MAGI2: variants seen among roughly 807,000 people sequenced by gnomAD.
MAGI2 encodes membrane-associated guanylate kinase, WW and PDZ domain-containing protein 2.
In MAGI2, 35 loss-of-function variants were observed where a neutral mutation model predicts 133.3. The observed-to-expected ratio is 0.26, with a 90% CI of 0.20 to 0.35. MAGI2 has a LOEUF of 0.35. MAGI2 is among the 10% of genes least tolerant of loss of function. The pLI is 1.00. For synonymous variants in MAGI2, 729 were observed against 710.6 expected, an observed-to-expected ratio of 1.03 and a Z score of -0.41; for missense variants, 1,636 against 1,863.4, an observed-to-expected ratio of 0.88 and a Z score of 2.25.
chr7:78,747,624 T>C (rs780964911), intron 2 of MAGI2, among the ~76,000 whole-genome samples: 1 of 151,830 alleles, frequency 6.6e-6, no homozygotes, highest in Non-Finnish European at 1.5e-5. Flanking sequence ...CAAGGGAGAG[T>C]AGTCCACTCT....
At chr7:78,703,344 T>C (rs1377555199) in intron 2 of MAGI2, among the ~76,000 whole-genome samples, 1 of 152,050 alleles carries the variant, frequency 6.6e-6, no homozygotes, top group African/African-American at 2.4e-5. Flanking sequence ...TTGTATCTAG[T>C]TGTAGAAGCA....
chr7:79,409,543 T>G (rs1473726281), intron 1 of MAGI2, among the ~76,000 whole-genome samples: 4 of 152,090 alleles, frequency 2.6e-5, no homozygotes, highest in Admixed American at 1.3e-4. Context: ...TACTGAGAAC[T>G]GAACGGTTAT....
At chr7:78,463,918 A>G (rs1450783902) in intron 6 of MAGI2, among the ~76,000 whole-genome samples, 2 of 152,106 alleles carry the variant, frequency 1.3e-5, no homozygotes, top group Middle Eastern at 3.2e-3. Context: ...GAAGGTAGGT[A>G]GGAGGGCAGG....
At chr7:79,405,321 T>A (rs1845732195) in intron 1 of MAGI2, among the ~76,000 whole-genome samples, 1 of 152,150 alleles carries the variant, frequency 6.6e-6, no homozygotes, top group African/African-American at 2.4e-5. Flanking sequence ...CAAAATGTTA[T>A]CATTCATAAA....
intron 1 of MAGI2, among the ~76,000 whole-genome samples, chr7:79,063,869 A>G (rs1814033741): frequency 6.6e-6 from 1 of 152,100 alleles, no homozygotes; most frequent in South Asian, 2.1e-4. Flanking sequence ...TAAAATTCTT[A>G]TAAAGCCACA....
At position 79,012,402 on chromosome 7, in the gene MAGI2, T is replaced by C. The variant is rs1249311476; in HGVS notation, c.302-5196A>G. ...CTCTCTGCTCTGAACTTCCACATCTTGCTCATTTCTCTTTAGTACTTTGCG... is the reference window on the plus strand; with the variant it reads ...CTCTCTGCTCTGAACTTCCACATCTCGCTCATTTCTCTTTAGTACTTTGCG... On this transcript the variant is annotated intron_variant, in intron 1 of 21. Transcript: ENST00000354212. 6 of 152,270 alleles carry C rather than the reference T, an allele frequency of 3.9e-5. No homozygotes were observed. In the East Asian group the frequency reaches 1.2e-3, roughly 29 times the overall value. 9.4% of individuals were successfully genotyped at this position (152,270 alleles called of 1,614,324 possible).
rs1328785301 is a variant in MAGI2 at position 78,185,996 on chromosome 7, T to C, written c.2270-326A>G. 3.3e-5 allele frequency among the ~76,000 whole-genome samples: 5 copies of C among 152,250 alleles called. No homozygotes were observed. In the East Asian group the frequency reaches 9.7e-4, roughly 29 times the overall value. Reference sequence around the variant, plus strand: ...AATACTTATTTGAAAGTAAAGTCAATCTAGAACCTGAAAGGTATACAGAAA... The same window carrying C: ...AATACTTATTTGAAAGTAAAGTCAACCTAGAACCTGAAAGGTATACAGAAA... On this transcript the variant is annotated intron_variant, in intron 12 of 21. Coordinates refer to ENST00000354212, the MANE Select transcript of MAGI2 (RefSeq NM_012301.4).
intron 9 of MAGI2, among the ~76,000 whole-genome samples, chr7:78,304,038 ATTC>A (rs1798063306): frequency 6.6e-6 from 1 of 152,178 alleles, no homozygotes; most frequent in African/African-American, 2.4e-5. Flanking sequence ...TCTGCCTTAA[ATTC>A]TTACTTTCCT....
chr7:78,537,202 CACACAG>C (rs1467308904), intron 3 of MAGI2, among the ~76,000 whole-genome samples: 14 of 151,462 alleles, frequency 9.2e-5, no homozygotes, highest in African/African-American at 3.1e-4. Flanking sequence ...CACACACACA[CACACAG>C]ACACATTTTC....
At chr7:78,573,031 GTATGTATA>G (rs1367679609) in intron 3 of MAGI2, among the ~76,000 whole-genome samples, 1 of 26,386 alleles carries the variant, frequency 3.8e-5, no homozygotes, top group East Asian at 1.6e-3. Context: ...ATATGCATAT[GTATGTATA>G]TATATATATA....
chr7:78,783,343 G>A (rs1341771646), intron 2 of MAGI2, among the ~76,000 whole-genome samples: 1 of 152,062 alleles, frequency 6.6e-6, no homozygotes, highest in East Asian at 1.9e-4. Flanking sequence ...TGACCAGTCG[G>A]AGAAAAAGGA....
At chr7:79,320,922 A>C (rs1053220342) in intron 1 of MAGI2, among the ~76,000 whole-genome samples, 3 of 152,144 alleles carry the variant, frequency 2.0e-5, no homozygotes, top group Non-Finnish European at 4.4e-5. Context: ...CAAAGTTCTT[A>C]TAACAAAAAC....
chr7:78,740,563 G>T (rs2151251533), intron 2 of MAGI2, among the ~76,000 whole-genome samples: 1 of 152,252 alleles, frequency 6.6e-6, no homozygotes, highest in African/African-American at 2.4e-5. Context: ...TCAGATGACT[G>T]TCCAGTTTTA....
intron 4 of MAGI2, among the ~76,000 whole-genome samples, chr7:78,511,980 G>A (rs1476917449): frequency 3.3e-5 from 5 of 151,860 alleles, no homozygotes; most frequent in Admixed American, 1.3e-4. Context: ...AACATTAGCC[G>A]GGGGTGGTGG....
chr7:78,739,357 T>C (rs1822172995), intron 2 of MAGI2, among the ~76,000 whole-genome samples: 2 of 152,142 alleles, frequency 1.3e-5, no homozygotes, highest in South Asian at 4.1e-4. Context: ...GATAGAAACT[T>C]AGAAACAAAG....
chr7:78,615,364 A>G (rs1307087311), intron 3 of MAGI2: 1 of 152,220 alleles, frequency 6.6e-6, no homozygotes, highest in Non-Finnish European at 1.5e-5. Flanking sequence ...TCCCAGGTAT[A>G]ATAAAACTTG....
chr7:79,381,223 C>T (rs892916175), intron 1 of MAGI2, among the ~76,000 whole-genome samples: 11 of 151,682 alleles, frequency 7.3e-5, no homozygotes, highest in African/African-American at 2.4e-4. Flanking sequence ...TTGCTTACTG[C>T]CTGGATGTAA....
intron 2 of MAGI2, among the ~76,000 whole-genome samples, chr7:78,698,117 C>T (rs545817393): frequency 5.3e-5 from 8 of 152,218 alleles, no homozygotes; most frequent in South Asian, 2.1e-4. Context: ...AATACTAATA[C>T]GAATGCTTTC....
chr7:78,494,386 A>T (rs536893634), intron 5 of MAGI2, among the ~76,000 whole-genome samples: 1 of 152,338 alleles, frequency 6.6e-6, no homozygotes, highest in African/African-American at 2.4e-5. Flanking sequence ...TTAAAGAATT[A>T]TGTTATTAAG....
Sources: gnomAD v4.1 joint callset for allele counts (sites outside exome capture counted in the v4.1 genomes callset) on GRCh38, gnomAD v4.1.1 for gene constraint, MANE v1.5 for transcripts, NCBI Gene and HGNC (gene_info 2026-07-23, HGNC 2026-07-21) for gene names.